Variants in ADGRL3 observed in about 807,000 individuals in gnomAD.
ADGRL3 encodes the protein adhesion G protein-coupled receptor L3.
In ADGRL3, 62 loss-of-function variants were observed where a neutral mutation model predicts 153.5. The observed-to-expected ratio is 0.40, with a 90% CI of 0.33 to 0.50. The LOEUF is 0.50. Ranked by LOEUF, ADGRL3 falls within the 20% of genes least tolerant of loss-of-function variation. The pLI is 0.47. For synonymous variants in ADGRL3, 710 were observed against 672.5 expected (o/e 1.06, Z -0.86); for missense variants, 1,641 against 1,859.4 (o/e 0.88, Z 2.16).
At chr4:61,802,536 A>T (rs534473579) in intron 8 of ADGRL3, among the ~76,000 whole-genome samples, 3 of 152,200 alleles carry the variant, frequency 2.0e-5, no homozygotes, top group Admixed American at 1.3e-4. Flanking sequence ...TTCTTGTAGA[A>T]GTAGTGTTCC....
chr4:61,878,363 A>G (rs1452449639), intron 9 of ADGRL3, among the ~76,000 whole-genome samples: 2 of 152,244 alleles, frequency 1.3e-5, no homozygotes, highest in Non-Finnish European at 2.9e-5. Context: ...TGAAAACTGA[A>G]TAATGTCTGC....
chr4:62,021,253 A>T (rs1386604503), intron 21 of ADGRL3, among the ~76,000 whole-genome samples: 1 of 152,074 alleles, frequency 6.6e-6, no homozygotes, highest in Non-Finnish European at 1.5e-5. Flanking sequence ...AACTACCAAG[A>T]TCTTTTACTT....
intron 1 of ADGRL3, among the ~76,000 whole-genome samples, chr4:61,349,404 G>A (rs188423178): frequency 2.2e-4 from 34 of 152,020 alleles, no homozygotes; most frequent in African/African-American, 8.2e-4. Flanking sequence ...TAAGTATTTG[G>A]TCATTATTTT....
At chr4:61,418,911 T>A (rs928883569) in intron 2 of ADGRL3, among the ~76,000 whole-genome samples, 6 of 150,722 alleles carry the variant, frequency 4.0e-5, no homozygotes, top group African/African-American at 1.2e-4. Flanking sequence ...TTAAATTAAT[T>A]TAGAAGTTTA....
chr4:61,877,484 A>T (rs760849976), intron 9 of ADGRL3, among the ~76,000 whole-genome samples: 2 of 152,218 alleles, frequency 1.3e-5, no homozygotes, highest in Non-Finnish European at 2.9e-5. Context: ...TTGTGGTTAT[A>T]CAAATCTGTA....
At chr4:61,918,954 C>T (rs2098756377) in intron 13 of ADGRL3, among the ~76,000 whole-genome samples, 2 of 152,160 alleles carry the variant, frequency 1.3e-5, no homozygotes, top group African/African-American at 4.8e-5. Flanking sequence ...ATTCTAAGCT[C>T]CATTTATACT....
At chr4:61,883,683 C>T (rs1042272869) in intron 9 of ADGRL3, among the ~76,000 whole-genome samples, 3 of 152,058 alleles carry the variant, frequency 2.0e-5, no homozygotes, top group South Asian at 2.1e-4. Flanking sequence ...CTAATAGTCT[C>T]ATTATTTTAC....
chr4:61,408,440 C>A (rs1427682710), intron 2 of ADGRL3, among the ~76,000 whole-genome samples: 1 of 151,464 alleles, frequency 6.6e-6, no homozygotes, highest in Non-Finnish European at 1.5e-5. Context: ...TGCTCTGCTC[C>A]CTTTTAAAGA....
chr4:61,590,252 C>A (rs2149388265), intron 5 of ADGRL3, among the ~76,000 whole-genome samples: 1 of 152,120 alleles, frequency 6.6e-6, no homozygotes, highest in African/African-American at 2.4e-5. Flanking sequence ...TTACCTAAAA[C>A]CAACTTTGGA....
chr4:61,639,769 T>A (rs986691896), intron 5 of ADGRL3, among the ~76,000 whole-genome samples: 1 of 152,194 alleles, frequency 6.6e-6, no homozygotes, highest in Non-Finnish European at 1.5e-5. Flanking sequence ...CTTTCAGAAG[T>A]ATGTGTTCAT....
At position 61,398,872 on chromosome 4, in the gene ADGRL3, T is replaced by C. The variant is rs537081512; in HGVS notation, c.-174+15683T>C. On this transcript the variant is annotated intron_variant, in intron 2 of 26. Coordinates refer to ENST00000683033, the MANE Select transcript of ADGRL3 (RefSeq NM_001387552.1). ...TCTTCCTCTTTCCTCTCCTCTTGTC[T>C]TTTATGTGTACTTTTTCTCCTTCCA... Among the ~76,000 whole-genome samples, 3 of 151,824 alleles carry C rather than the reference T, an allele frequency of 2.0e-5. No homozygotes were observed. In the East Asian group the frequency reaches 5.8e-4, roughly 29 times the overall value.
At chr4:61,227,852 C>T (rs1199913834) in intron 1 of ADGRL3, among the ~76,000 whole-genome samples, 1 of 152,194 alleles carries the variant, frequency 6.6e-6, no homozygotes, top group Non-Finnish European at 1.5e-5. Flanking sequence ...CTGGGCTGCT[C>T]AGACTGCTAC....
intron 4 of ADGRL3, among the ~76,000 whole-genome samples, chr4:61,544,240 G>A (rs1330201871): frequency 3.3e-5 from 5 of 152,052 alleles, no homozygotes; most frequent in Admixed American, 6.6e-5. Context: ...AACCTTAATG[G>A]TGTTCAGTTT....
chr4:61,824,625 G>A lies in ADGRL3; in HGVS notation c.1480+10736G>A, dbSNP rs562374022. Among the ~76,000 whole-genome samples, 7 of 152,270 alleles carry A rather than the reference G, an allele frequency of 4.6e-5. No individual in the cohort carries two copies. The South Asian group carries it at 1.5e-3, about 32-fold the overall frequency. The stretch of plus-strand genomic sequence containing the variant: ...TACCACCAAAGCCTGAGGGGGTGAA[G>A]TAAGAGGTCTGCCTTGACCTCCAAA... On this transcript the variant is annotated intron_variant, in intron 9 of 26. Coordinates refer to ENST00000683033, the MANE Select transcript of ADGRL3 (RefSeq NM_001387552.1).
At chr4:61,730,452 T>C (rs1323690081) in intron 6 of ADGRL3, among the ~76,000 whole-genome samples, 170 bp from the exon 7 acceptor site, 2 of 151,996 alleles carry the variant, frequency 1.3e-5, no homozygotes, top group East Asian at 3.9e-4. Flanking sequence ...AATAACTGTA[T>C]TAGAGAGATG....
chr4:61,904,826 A>G (rs984960371), intron 11 of ADGRL3, among the ~76,000 whole-genome samples: 4 of 152,196 alleles, frequency 2.6e-5, no homozygotes, highest in Non-Finnish European at 4.4e-5. Context: ...TTGAAGATAT[A>G]TTAATGAAGG....
At chr4:61,287,678 C>T (rs371960013) in intron 1 of ADGRL3, among the ~76,000 whole-genome samples, 114 of 151,876 alleles carry the variant, frequency 7.5e-4, no homozygotes, top group African/African-American at 2.5e-3. Flanking sequence ...ATAAAAGTCC[C>T]AGGATTCATA....
intron 5 of ADGRL3, among the ~76,000 whole-genome samples, chr4:61,595,135 C>T (rs553153972): frequency 2.0e-5 from 3 of 152,308 alleles, no homozygotes; most frequent in African/African-American, 4.8e-5. Context: ...CTCAGGGACT[C>T]CAAGGGCCTG....
chr4:61,842,996 C>T (rs1412786550), intron 9 of ADGRL3, among the ~76,000 whole-genome samples: 1 of 152,058 alleles, frequency 6.6e-6, no homozygotes, highest in East Asian at 1.9e-4. Flanking sequence ...AAAAGAGCAA[C>T]TTATGATTCT....
Sources: allele counts gnomAD v4.1 joint callset (sites outside exome capture counted in the v4.1 genomes callset), GRCh38; gene constraint gnomAD v4.1.1; transcripts MANE v1.5; gene names NCBI Gene and HGNC (gene_info 2026-07-23, HGNC 2026-07-21).